The following ASIC2 variants were observed in gnomAD, a reference collection of about 807,000 sequenced individuals.
The protein encoded by ASIC2 is acid-sensing ion channel 2.
A neutral mutation model predicts 57.3 loss-of-function variants in ASIC2; 25 were observed. The ratio of observed to expected loss-of-function variants is 0.44; its 90% CI spans 0.32 to 0.61. The LOEUF (loss-of-function observed/expected upper bound fraction) is 0.61, where lower values mean the gene tolerates loss of function less well. ASIC2 is among the 20% of genes least tolerant of loss of function. ASIC2 has a pLI of 0.06. For synonymous variants in ASIC2, 319 were observed against 307.5 expected, an observed-to-expected ratio of 1.04 and a Z score of -0.39; for missense variants, 641 against 738.1, an observed-to-expected ratio of 0.87 and a Z score of 1.52.
chr17:33,359,095 A>G (rs1328394303), intron 1 of ASIC2, among the ~76,000 whole-genome samples: 1 of 152,204 alleles, frequency 6.6e-6, no homozygotes, highest in Admixed American at 6.5e-5. Context: ...GTTGGGAGAG[A>G]GATGATCTAG....
chr17:33,704,619 C>G (rs1461759069), intron 1 of ASIC2, among the ~76,000 whole-genome samples: 1 of 152,198 alleles, frequency 6.6e-6, no homozygotes, highest in Non-Finnish European at 1.5e-5. Context: ...AGGATAAGAA[C>G]CAAGGTATCA....
At chr17:34,146,579 C>G (rs570813995) in intron 1 of ASIC2, among the ~76,000 whole-genome samples, 1 of 152,196 alleles carries the variant, frequency 6.6e-6, no homozygotes, top group Admixed American at 6.5e-5. Flanking sequence ...TGTATTCCAT[C>G]TTGAGGTGAG....
At chr17:33,185,387 A>G (rs1906151060) in intron 1 of ASIC2, among the ~76,000 whole-genome samples, 1 of 152,172 alleles carries the variant, frequency 6.6e-6, no homozygotes, top group African/African-American at 2.4e-5. Context: ...GACTTGGTGC[A>G]CACGGTAAAG....
intron 1 of ASIC2, among the ~76,000 whole-genome samples, chr17:33,530,549 G>A (rs907587514): frequency 1.3e-5 from 2 of 152,238 alleles, no homozygotes; most frequent in Non-Finnish European, 2.9e-5. Flanking sequence ...ATGAACATAG[G>A]CGAGTGTACA....
At chr17:33,733,254 C>T (rs1416853870) in intron 1 of ASIC2, among the ~76,000 whole-genome samples, 1 of 152,142 alleles carries the variant, frequency 6.6e-6, no homozygotes, top group Non-Finnish European at 1.5e-5. Context: ...GAGGGAACTC[C>T]TAACTAAAAG....
chr17:33,305,367 G>T (rs1477755042), intron 1 of ASIC2, among the ~76,000 whole-genome samples: 1 of 152,176 alleles, frequency 6.6e-6, no homozygotes, highest in Non-Finnish European at 1.5e-5. Flanking sequence ...TATTTTCATG[G>T]AGCCTACTTA....
Position 33,887,797 on chromosome 17 carries a change from T to G in ASIC2, c.555+268181A>C, listed in dbSNP as rs545591333. ...ACACTGCAGGGAGCAGTTTTAGATT[T>G]TTTAGTGTAGCCTTTAAAAGAACAT... On this transcript the variant is annotated intron_variant, in intron 1 of 9. Coordinates refer to the ASIC2 transcript ENST00000359872. Among the ~76,000 whole-genome samples the G allele has an allele frequency of 3.5e-3, 526 of 152,324 alleles. 3 individuals carry two copies. The highest frequency in any genetic ancestry group is 0.012 in the African/African-American group (489 of 41,566).
chr17:33,103,997 C>T (rs760189662), intron 2 of ASIC2, among the ~76,000 whole-genome samples: 2 of 152,156 alleles, frequency 1.3e-5, no homozygotes, highest in Non-Finnish European at 2.9e-5. Flanking sequence ...CTCTAATTCC[C>T]GATCCTGTCT....
intron 1 of ASIC2, among the ~76,000 whole-genome samples, chr17:33,741,454 C>A (rs1384831156): frequency 6.6e-6 from 1 of 152,170 alleles, no homozygotes; most frequent in African/African-American, 2.4e-5. Flanking sequence ...TTTTTACATG[C>A]GTGAGCCTGC....
In ASIC2 at chr17:33,922,387, G is replaced by A. The variant is rs900423225; in HGVS notation, c.555+233591C>T. ...AAACCCAGACCTCTCACTGGTTTCA[G>A]ACTGAAAGTCCAGCATTTCAGAAAA... On this transcript the variant is annotated intron_variant, in intron 1 of 9. Transcript: ENST00000359872. Among the ~76,000 whole-genome samples the A allele has an allele frequency of 2.6e-5, 4 of 151,930 alleles. No homozygotes were observed. The South Asian group carries it at 8.3e-4, about 31-fold the overall frequency.
chr17:33,957,268 C>T lies in ASIC2; in HGVS notation c.555+198710G>A, dbSNP rs150929434. ...GTCCAGGCAACCTCAAGCACAAAGG[C>T]GTAGAAGAGAAGAGAAGCAACATGC... On this transcript the variant is annotated intron_variant, in intron 1 of 9. Transcript: ENST00000359872. 5.0e-3 allele frequency among the ~76,000 whole-genome samples: 766 copies of T among 152,152 alleles called. 7 individuals carry two copies. Among genetic ancestry groups the T allele is most frequent in the Middle Eastern group, 0.014 (4 of 294 alleles).
At chr17:33,041,881 T>C (rs2091931242) in intron 3 of ASIC2, among the ~76,000 whole-genome samples, 1 of 152,192 alleles carries the variant, frequency 6.6e-6, no homozygotes, top group African/African-American at 2.4e-5. Context: ...GGCACTATAC[T>C]CCGAGAGGCC....
intron 1 of ASIC2, among the ~76,000 whole-genome samples, chr17:33,819,295 T>C (rs1597889066): frequency 1.3e-5 from 2 of 152,220 alleles, no homozygotes; most frequent in East Asian, 1.9e-4. Context: ...TAAGTTTCTG[T>C]CACCCTCCGC....
chr17:33,765,177 C>T (rs1436603991), intron 1 of ASIC2, among the ~76,000 whole-genome samples: 2 of 152,056 alleles, frequency 1.3e-5, no homozygotes, highest in Non-Finnish European at 2.9e-5. Flanking sequence ...GCTATCTTGG[C>T]TCACTGCAAG....
chr17:33,332,051 A>G (rs2142226877), intron 1 of ASIC2, among the ~76,000 whole-genome samples: 1 of 152,362 alleles, frequency 6.6e-6, no homozygotes, highest in Non-Finnish European at 1.5e-5. Flanking sequence ...TGATTTTAGC[A>G]GTGAAGGCTA....
intron 1 of ASIC2, among the ~76,000 whole-genome samples, chr17:33,998,372 G>A (rs1356933127): frequency 6.6e-6 from 1 of 151,960 alleles, no homozygotes; most frequent in African/African-American, 2.4e-5. Context: ...TTGCTTTATT[G>A]ATTTCTGCTC....
intron 1 of ASIC2, among the ~76,000 whole-genome samples, chr17:33,368,701 G>A (rs953792588): frequency 6.6e-6 from 1 of 152,062 alleles, no homozygotes; most frequent in Non-Finnish European, 1.5e-5. Flanking sequence ...CCCATTTAAG[G>A]CTTCATCTTG....
intron 1 of ASIC2, among the ~76,000 whole-genome samples, chr17:33,838,617 G>A (rs562100996): frequency 6.6e-6 from 1 of 152,264 alleles, no homozygotes; most frequent in African/African-American, 2.4e-5. Context: ...CGTAGAACTG[G>A]GGAACTGAGC....
chr17:33,720,248 A>G (rs1195254559), intron 1 of ASIC2, among the ~76,000 whole-genome samples: 2 of 152,212 alleles, frequency 1.3e-5, no homozygotes, highest in Non-Finnish European at 2.9e-5. Context: ...TAAAGAATCT[A>G]AAGAAAGTAA....
Sources: gnomAD v4.1 joint callset for allele counts (sites outside exome capture counted in the v4.1 genomes callset) on GRCh38, gnomAD v4.1.1 for gene constraint, MANE v1.5 for transcripts, NCBI Gene and HGNC (gene_info 2026-07-23, HGNC 2026-07-21) for gene names.